Variants in LRP8 observed in about 807,000 individuals in gnomAD.
The protein encoded by LRP8 is low-density lipoprotein receptor-related protein 8.
A neutral mutation model predicts 111.6 loss-of-function variants in LRP8; 46 were observed. The observed-to-expected ratio is 0.41, with a 90% confidence interval of 0.33 to 0.53. The LOEUF (loss-of-function observed/expected upper bound fraction) is 0.53. Ranked by LOEUF, LRP8 falls within the 20% of genes least tolerant of loss-of-function variation. LRP8 has a pLI of 0.20. For missense variants in LRP8, 959 were observed against 1,297.4 expected, an observed-to-expected ratio of 0.74 and a Z score of 4.01; for synonymous variants, 464 against 511.2, an observed-to-expected ratio of 0.91 and a Z score of 1.24.
In LRP8 at chr1:53,280,843, C is replaced by T. The variant is rs184298386; in HGVS notation, c.368-128G>A. The T allele has an allele frequency of 2.0e-4, 231 of 1,167,592 alleles. 1 individual carries two copies. In the African/African-American group the frequency reaches 3.3e-3, roughly 17 times the overall value. 72.3% of individuals were successfully genotyped at this position (1,167,592 alleles called of 1,614,324 possible). ...GGAGTCCATCAGGGCTCTTCTGGCC[C>T]ATGTCTCAGTTTCATCAGCTGAGAA... is the stretch of plus-strand genomic sequence containing the variant. On this transcript the variant is annotated intron_variant, in intron 3 of 18. Transcript: ENST00000306052.
intron 2 of LRP8, among the ~76,000 whole-genome samples, chr1:53,300,743 C>T (rs1042496647): frequency 1.8e-4 from 27 of 152,176 alleles, no homozygotes; most frequent in African/African-American, 4.6e-4. Context: ...GCTGGGCCCT[C>T]GGTGTGAGAA....
rs138816953 is a variant in LRP8, at chr1:53,258,301, C to A, written c.2209+18G>T. On this transcript the variant is annotated intron_variant, in intron 14 of 18. Coordinates refer to ENST00000306052, the MANE Select transcript of LRP8 (RefSeq NM_004631.5). ...TCTGACACTGCCAGGGGCCATCCCT[C>A]CTGGAAGGTCTGCTTACCTCGGTAG... 2 of 1,611,644 alleles carry A rather than the reference C, an allele frequency of 1.2e-6. No homozygotes were observed. The highest frequency in any genetic ancestry group is 2.2e-5 in the South Asian group (2 of 90,762).
intron 2 of LRP8, among the ~76,000 whole-genome samples, chr1:53,324,896 G>C (rs989377086): frequency 2.0e-5 from 3 of 152,220 alleles, no homozygotes; most frequent in Non-Finnish European, 4.4e-5. Context: ...TCCTGACCAA[G>C]TTCTGTCATC....
chr1:53,313,865 ATC>A (rs1653427743), intron 2 of LRP8, among the ~76,000 whole-genome samples: 1 of 152,204 alleles, frequency 6.6e-6, no homozygotes, highest in Non-Finnish European at 1.5e-5. Flanking sequence ...GTAGCTTTGC[ATC>A]TCTCAGAGCA....
rs147666591 is a variant in LRP8 at position 53,293,184 on chromosome 1, T to G, written c.245-3495A>C. Among the ~76,000 whole-genome samples the G allele has an allele frequency of 8.1e-4, 123 of 152,306 alleles. No homozygotes were observed. Among genetic ancestry groups the G allele is most frequent in the African/African-American group, 2.7e-3 (111 of 41,574 alleles). ...TGGGATTCTGAAAGCCTGGGGGTGATCTTGTCCTCCTCCATGTGCCAAGCC... is the reference window on the plus strand; with the variant it reads ...TGGGATTCTGAAAGCCTGGGGGTGAGCTTGTCCTCCTCCATGTGCCAAGCC... On this transcript the variant is annotated intron_variant, in intron 2 of 18. Transcript: ENST00000306052. The surrounding 1 kb of genome is among the most constrained non-coding windows in gnomAD (Gnocchi z 4.9).
At chr1:53,254,268 T>C (rs1645996589) in intron 16 of LRP8, among the ~76,000 whole-genome samples, 1 of 152,002 alleles carries the variant, frequency 6.6e-6, no homozygotes, top group African/African-American at 2.4e-5. Context: ...CAAAGTGTTA[T>C]ACTCTGGCCA....
Position 53,264,356 on chromosome 1 carries a change from C to T in LRP8, c.1468G>A (p.Val490Ile). The T allele has an allele frequency of 1.9e-6, 3 of 1,614,096 alleles. No homozygotes were observed. Among genetic ancestry groups the T allele is most frequent in the Non-Finnish European group, 1.7e-6 (2 of 1,179,980 alleles). The change falls in exon 10 of 19, where the codon GTC becomes ATC. Residue 490 changes from valine (V) to isoleucine (I), a missense_variant. Val to Ile is a conservative substitution (Grantham distance 29, BLOSUM62 3). This residue lies in a region of LRP8 where 819 missense variants were observed against 1,097.6 expected (regional missense o/e 0.75). Coordinates refer to ENST00000306052, the MANE Select transcript of LRP8 (RefSeq NM_004631.5). ...GAGTGCAACTGCTCGTCAATGAGGA[C>T]CTCCTGCTCTTTCGGGTCACTGGCC... is the stretch of plus-strand genomic sequence containing the variant. ...DKASDPKEQE[V>I]LIDEQLHSPE...
In LRP8 at chr1:53,317,104, G is replaced by A. The variant is rs904087597; in HGVS notation, c.244+9769C>T. On this transcript the variant is annotated intron_variant, in intron 2 of 18. Transcript: ENST00000306052. The surrounding 1 kb of genome is among the most constrained non-coding windows in gnomAD (Gnocchi z 4.9). ...CGCACATGTGCCCATGCCCATGGCC[G>A]AGAAAGGGCTCTGAGAGTGTAGGGC... 6.0e-5 allele frequency among the ~76,000 whole-genome samples: 9 copies of A among 151,108 alleles called. No individual in the cohort carries two copies. Among genetic ancestry groups the A allele is most frequent in the Non-Finnish European group, 1.0e-4 (7 of 67,708 alleles).
At chr1:53,269,106 G>A (rs1646677079) in intron 8 of LRP8, among the ~76,000 whole-genome samples, 1 of 152,138 alleles carries the variant, frequency 6.6e-6, no homozygotes, top group African/African-American at 2.4e-5. Flanking sequence ...GGCCCTTTGG[G>A]CTGCCCCAAG....
chr1:53,289,785 C>G, intron 2 of LRP8, 96 bp from the exon 3 acceptor site: 1 of 1,520,784 alleles, frequency 6.6e-7, no homozygotes, highest in Non-Finnish European at 8.9e-7. Flanking sequence ...AGGCCATGGA[C>G]TGCCTTGCTG....
Position 53,275,697 on chromosome 1 carries a change from C to T in LRP8, c.940G>A (p.Ala314Thr). The change falls in exon 6 of 19, where the codon GCA (alanine) becomes ACA (threonine). Residue 314 changes from alanine (A) to threonine (T), a missense_variant. This residue lies in a region of LRP8 where 819 missense variants were observed against 1,097.6 expected (regional missense o/e 0.75). Coordinates refer to ENST00000306052, the MANE Select transcript of LRP8 (RefSeq NM_004631.5). This position sits in a 1 kb window ranked among gnomAD's most constrained non-coding sequence, Gnocchi z 4.4. Reference sequence around the variant, plus strand: ...TGCTCCTGGTTGCAGTGCTTGATTGCAAGGACACATGTCCCATCCCCACAC... The same window carrying T: ...TGCTCCTGGTTGCAGTGCTTGATTGTAAGGACACATGTCCCATCCCCACAC... ...FQCGDGTCVLAIKHCNQEQDC... is the reference protein window; with the variant it reads ...FQCGDGTCVLTIKHCNQEQDC... 6.2e-7 allele frequency: 1 copy of T among 1,614,112 alleles called. No homozygotes were observed. Among genetic ancestry groups the T allele is most frequent in the East Asian group, 2.2e-5 (1 of 44,878 alleles).
intron 2 of LRP8, among the ~76,000 whole-genome samples, chr1:53,323,122 G>C (rs967028867): frequency 6.6e-6 from 1 of 152,162 alleles, no homozygotes; most frequent in Non-Finnish European, 1.5e-5. Context: ...TCTCAAGACA[G>C]GGAAATGAAG....
chr1:53,316,943 G>A (rs1653889041), intron 2 of LRP8, among the ~76,000 whole-genome samples: 1 of 152,162 alleles, frequency 6.6e-6, no homozygotes, highest in Admixed American at 6.5e-5. Flanking sequence ...GAGGCGGGGA[G>A]CTCTGGCTTG....
intron 2 of LRP8, among the ~76,000 whole-genome samples, chr1:53,316,933 G>A (rs116292205): frequency 0.01 from 1,595 of 152,304 alleles, 9 homozygotes; most frequent in Non-Finnish European, 0.016. Flanking sequence ...GCCTGGTGGG[G>A]AGGCGGGGAG....
chr1:53,309,142 G>A lies in LRP8; in HGVS notation c.244+17731C>T, dbSNP rs34857022. The stretch of plus-strand genomic sequence containing the variant: ...ATACAAAAATTAGCTGGGCATGGTC[G>A]CAGGCGCCTGTAATGCCAGCTACTT... On this transcript the variant is annotated intron_variant, in intron 2 of 18. Transcript: ENST00000306052. Among the ~76,000 whole-genome samples, 1,251 of 152,298 alleles carry A rather than the reference G, an allele frequency of 8.2e-3. 10 individuals carry two copies. The highest frequency in any genetic ancestry group is 0.034 in the Middle Eastern group (10 of 294).
At chr1:53,325,975 C>G (rs1655070628) in intron 2 of LRP8, among the ~76,000 whole-genome samples, 3 of 152,232 alleles carry the variant, frequency 2.0e-5, no homozygotes, top group African/African-American at 7.2e-5. Context: ...CGCAGACACT[C>G]TGAAACCCTG....
At chr1:53,309,580 G>A (rs1652622285) in intron 2 of LRP8, among the ~76,000 whole-genome samples, 1 of 152,188 alleles carries the variant, frequency 6.6e-6, no homozygotes, top group South Asian at 2.1e-4. Context: ...CACGGTGAGG[G>A]GAGAGGTCAG....
rs1183919677 is a variant in LRP8 at position 53,303,130 on chromosome 1, T to G, written c.245-13441A>C. Among the ~76,000 whole-genome samples the G allele has an allele frequency of 2.6e-5, 4 of 152,192 alleles. No individual in the cohort carries two copies. The East Asian group carries it at 5.8e-4, about 22-fold the overall frequency. On this transcript the variant is annotated intron_variant, in intron 2 of 18. Transcript: ENST00000306052. The surrounding 1 kb of genome is among the most constrained non-coding windows in gnomAD (Gnocchi z 4.3). ...AAGCAGGTAGAGCTCTTGTCAATCA[T>G]GCGGCTTATTTCTTACCACCACCAC...
intron 2 of LRP8, among the ~76,000 whole-genome samples, chr1:53,316,872 A>C (rs943552883): frequency 2.6e-5 from 4 of 152,150 alleles, no homozygotes. Context: ...GCAGGCCAGG[A>C]AGAGAGACTG....
Sources: allele counts gnomAD v4.1 joint callset (sites outside exome capture counted in the v4.1 genomes callset), GRCh38; gene constraint gnomAD v4.1.1; regional missense constraint gnomAD v4.1.1; non-coding constraint Gnocchi (gnomAD v3.1); transcripts MANE v1.5; gene names NCBI Gene and HGNC (gene_info 2026-07-23, HGNC 2026-07-21).